Variants in LIN52 observed in about 807,000 individuals in gnomAD.
LIN52 encodes the protein protein lin-52 homolog.
A neutral mutation model predicts 18.5 loss-of-function variants in LIN52; 4 were observed. The observed-to-expected ratio is 0.22, with a 90% CI of 0.11 to 0.49. The LOEUF is 0.49. Among genes scored for constraint, LIN52 ranks in the 20% least tolerant of loss-of-function variants. LIN52 has a pLI of 0.97. For missense variants in LIN52, 102 were observed against 139.5 expected, an observed-to-expected ratio of 0.73 and a Z score of 1.35; for synonymous variants, 34 against 45.5, an observed-to-expected ratio of 0.75 and a Z score of 1.02.
Position 74,199,100 on chromosome 14 carries a change from C to T in LIN52, c.*123C>T. The T allele has an allele frequency of 1.5e-6, 1 of 664,658 alleles. No homozygotes were observed. The highest frequency in any genetic ancestry group is 2.7e-6 in the Non-Finnish European group (1 of 374,854). The allele number at this position is 664,658 out of a possible 1,614,324, so 41.2% of individuals were successfully genotyped here. ...CAGAGGGTGTACCTCCAGGACTGCC[C>T]TCTCCCCTGCTCCTGGCACTCTACA... On this transcript the variant is annotated 3_prime_UTR_variant, in exon 6 of 6. Coordinates refer to ENST00000555028, the MANE Select transcript of LIN52 (RefSeq NM_001024674.3).
chr14:74,118,683 A>G (rs1199012818), intron 5 of LIN52, among the ~76,000 whole-genome samples: 5 of 152,184 alleles, frequency 3.3e-5, no homozygotes, highest in African/African-American at 1.2e-4. Flanking sequence ...CTGAGGTGGG[A>G]GGATCACCTG....
At chr14:74,178,971 C>T (rs940143804) in intron 5 of LIN52, among the ~76,000 whole-genome samples, 6 of 151,822 alleles carry the variant, frequency 4.0e-5, no homozygotes, top group Non-Finnish European at 8.8e-5. Context: ...CCTGTAGGCC[C>T]GGCTACTCAG....
At chr14:74,144,299 A>G (rs1595173786) in intron 5 of LIN52, among the ~76,000 whole-genome samples, 1 of 149,440 alleles carries the variant, frequency 6.7e-6, no homozygotes, top group African/African-American at 2.5e-5. Context: ...TTTTAATTGG[A>G]GCCATGGGGG....
intron 5 of LIN52, among the ~76,000 whole-genome samples, chr14:74,108,506 TA>T (rs1489005024): frequency 1.3e-5 from 2 of 152,234 alleles, no homozygotes; most frequent in Admixed American, 6.5e-5. Flanking sequence ...AAGCAGTGTA[TA>T]AGGGTTCCAG....
chr14:74,126,697 T>C (rs560901877), intron 5 of LIN52, among the ~76,000 whole-genome samples: 2 of 152,278 alleles, frequency 1.3e-5, no homozygotes, highest in East Asian at 3.9e-4. Flanking sequence ...CCAGAAGACA[T>C]GAAAAGGCAG....
In LIN52 at chr14:74,173,262, G is replaced by C. The variant is rs538954973; in HGVS notation, c.284-25660G>C. The stretch of plus-strand genomic sequence containing the variant: ...GAGTGCAATGGCATGATCTCAGCTC[G>C]CCGCAACCTCTGCCTCCTGGGTTCA... On this transcript the variant is annotated intron_variant, in intron 5 of 5. Transcript: ENST00000555028. 7.9e-5 allele frequency among the ~76,000 whole-genome samples: 12 copies of C among 151,952 alleles called. No homozygotes were observed. The South Asian group carries it at 2.3e-3, about 29-fold the overall frequency.
chr14:74,196,192 A>G (rs1566872582), intron 5 of LIN52, among the ~76,000 whole-genome samples: 1 of 152,202 alleles, frequency 6.6e-6, no homozygotes, highest in Non-Finnish European at 1.5e-5. Context: ...GATTGAGTAG[A>G]AAAAGGGTTG....
At chr14:74,117,118 C>G (rs1220615742) in intron 5 of LIN52, among the ~76,000 whole-genome samples, 1 of 151,992 alleles carries the variant, frequency 6.6e-6, no homozygotes, top group Non-Finnish European at 1.5e-5. Flanking sequence ...ATGAGTAGAT[C>G]CATTAACAAT....
intron 5 of LIN52, among the ~76,000 whole-genome samples, chr14:74,161,098 T>TTAG (rs931242116): frequency 7.8e-4 from 119 of 152,328 alleles, no homozygotes; most frequent in Middle Eastern, 3.4e-3. Context: ...TAGACCTTAA[T>TTAG]TAGTATCACA....
intron 5 of LIN52, among the ~76,000 whole-genome samples, chr14:74,134,445 T>C (rs2061086574): frequency 6.6e-6 from 1 of 152,060 alleles, no homozygotes; most frequent in Non-Finnish European, 1.5e-5. Flanking sequence ...TCAAATGACC[T>C]CCTAGGATAA....
intron 5 of LIN52, among the ~76,000 whole-genome samples, chr14:74,180,893 G>A (rs1595188990): frequency 6.6e-6 from 1 of 152,030 alleles, no homozygotes; most frequent in East Asian, 1.9e-4. Flanking sequence ...AGAATCACTT[G>A]AGCCAAGGAG....
At chr14:74,156,798 C>G (rs1274550891) in intron 5 of LIN52, among the ~76,000 whole-genome samples, 1 of 152,048 alleles carries the variant, frequency 6.6e-6, no homozygotes, top group East Asian at 1.9e-4. Context: ...CCATCTTTAC[C>G]TCTCCCCTCC....
intron 5 of LIN52, among the ~76,000 whole-genome samples, chr14:74,138,736 C>T (rs1365759916): frequency 6.8e-6 from 1 of 148,096 alleles, no homozygotes; most frequent in African/African-American, 2.5e-5. Context: ...ATCCTCTGCA[C>T]TCCAGCCTGG....
At chr14:74,161,905 C>T (rs1300670217) in intron 5 of LIN52, among the ~76,000 whole-genome samples, 1 of 152,162 alleles carries the variant, frequency 6.6e-6, no homozygotes, top group African/African-American at 2.4e-5. Context: ...AGCCTCCCTC[C>T]AGTGCCCTTT....
chr14:74,191,800 A>AT (rs970181059), intron 5 of LIN52, among the ~76,000 whole-genome samples: 6 of 151,412 alleles, frequency 4.0e-5, no homozygotes, highest in African/African-American at 7.3e-5. Context: ...CGCCTGGCTA[A>AT]TTTTTTTTGT....
chr14:74,115,923 G>A (rs2060961706), intron 5 of LIN52, among the ~76,000 whole-genome samples: 2 of 152,200 alleles, frequency 1.3e-5, no homozygotes, highest in Non-Finnish European at 2.9e-5. Flanking sequence ...TAGGGGAAGG[G>A]GGTTGGAGAG....
intron 5 of LIN52, among the ~76,000 whole-genome samples, chr14:74,181,120 A>G (rs1281878190): frequency 1.3e-5 from 2 of 151,098 alleles, no homozygotes; most frequent in African/African-American, 4.9e-5. Context: ...AAAAAAAAAA[A>G]AAAAAAAAGA....
At chr14:74,103,121 C>G (rs960316233) in intron 5 of LIN52, among the ~76,000 whole-genome samples, 1 of 152,190 alleles carries the variant, frequency 6.6e-6, no homozygotes, top group African/African-American at 2.4e-5. Context: ...CTCTGTGGCC[C>G]AGGCTGGAGT....
intron 1 of LIN52, among the ~76,000 whole-genome samples, chr14:74,090,764 T>A (rs529586252): frequency 1.8e-4 from 28 of 152,214 alleles, no homozygotes; most frequent in Admixed American, 1.2e-3. Context: ...AATTTAGCAG[T>A]GGGGGGTTGT....
Sources: allele counts gnomAD v4.1 joint callset (sites outside exome capture counted in the v4.1 genomes callset), GRCh38; gene constraint gnomAD v4.1.1; transcripts MANE v1.5; gene names NCBI Gene and HGNC (gene_info 2026-07-23, HGNC 2026-07-21).